The following KANK1 variants were observed in gnomAD, a reference collection of about 807,000 sequenced individuals.
KANK1 encodes KN motif and ankyrin repeat domains 1, also known as KN motif and ankyrin repeat domain-containing protein 1.
A neutral mutation model predicts 106.2 loss-of-function variants in KANK1; 109 were observed. That is an observed-to-expected ratio of 1.03 (90% CI 0.88 to 1.20). The LOEUF (loss-of-function observed/expected upper bound fraction) is 1.20, where lower values mean the gene tolerates loss of function less well. Ranked by LOEUF, KANK1 falls within the 50% of genes most tolerant of loss-of-function variation. The probability of loss-of-function intolerance (pLI) is 0.00; values close to 1 mark genes in which losing one functional copy is unlikely to be tolerated. For synonymous variants in KANK1, 873 were observed against 652.2 expected (o/e 1.34, Z -5.16); for missense variants, 2,399 against 1,710.7 (o/e 1.40, Z -7.10).
chr9:550,074 C>T (rs2061181417), intron 1 of KANK1, among the ~76,000 whole-genome samples: 1 of 152,248 alleles, frequency 6.6e-6, no homozygotes, highest in South Asian at 2.1e-4. Flanking sequence ...GGAATGTCAG[C>T]AGTCGCAACA....
chr9:527,898 C>T (rs529883824), intron 1 of KANK1, among the ~76,000 whole-genome samples: 6 of 151,316 alleles, frequency 4.0e-5, no homozygotes, highest in Admixed American at 3.9e-4. Context: ...CCTGTAATCA[C>T]AGCACTCCTG....
chr9:646,664 T>C (rs918308974), intron 1 of KANK1, among the ~76,000 whole-genome samples: 2 of 150,490 alleles, frequency 1.3e-5, no homozygotes, highest in Non-Finnish European at 2.9e-5. Flanking sequence ...ATAGAGCAGT[T>C]CGCCTGATCA....
At chr9:635,799 G>C (rs1035977063) in intron 1 of KANK1, among the ~76,000 whole-genome samples, 1 of 140,520 alleles carries the variant, frequency 7.1e-6, no homozygotes, top group African/African-American at 2.8e-5. Context: ...CCCGGGTTCA[G>C]GTGATTCTCC....
intron 1 of KANK1, among the ~76,000 whole-genome samples, chr9:657,440 G>A (rs1165582533): frequency 2.6e-5 from 4 of 152,046 alleles, no homozygotes; most frequent in Admixed American, 6.6e-5. Context: ...TTTTTTTGAG[G>A]AACCTCTATA....
intron 1 of KANK1, among the ~76,000 whole-genome samples, chr9:675,598 T>C (rs1816253698): frequency 6.6e-6 from 1 of 152,134 alleles, no homozygotes; most frequent in Admixed American, 6.5e-5. Context: ...GAAATATCAA[T>C]GCAAAATGAA....
At chr9:617,753 T>A (rs1832187431) in intron 1 of KANK1, among the ~76,000 whole-genome samples, 1 of 152,256 alleles carries the variant, frequency 6.6e-6, no homozygotes, top group African/African-American at 2.4e-5. Flanking sequence ...CAGGCCAGTT[T>A]GTGACGCGTG....
chr9:706,744 G>GC, intron 2 of KANK1: 1 of 981,410 alleles, frequency 1.0e-6, no homozygotes, highest in Non-Finnish European at 1.2e-6. Context: ...GAAGAGTCAG[G>GC]CAGTGCTCTG....
At chr9:486,740 A>C (rs1208366259) in intron 3 of KANK1, among the ~76,000 whole-genome samples, 1 of 152,198 alleles carries the variant, frequency 6.6e-6, no homozygotes, top group African/African-American at 2.4e-5. Flanking sequence ...ATTATAAAAA[A>C]ATAAAAAGCA....
At chr9:627,176 C>T (rs1044824103) in intron 1 of KANK1, among the ~76,000 whole-genome samples, 1 of 152,168 alleles carries the variant, frequency 6.6e-6, no homozygotes, top group African/African-American at 2.4e-5. Context: ...CCTAGATCCT[C>T]CTGTCCTACT....
chr9:670,964 T>TC (rs1845758757), intron 1 of KANK1, among the ~76,000 whole-genome samples: 1 of 146,374 alleles, frequency 6.8e-6, no homozygotes, highest in Admixed American at 7.1e-5. Flanking sequence ...TTTTTTTTTT[T>TC]TTTTTTTTTT....
chr9:529,759 C>T (rs138404121), intron 1 of KANK1, among the ~76,000 whole-genome samples: 8 of 152,180 alleles, frequency 5.3e-5, no homozygotes, highest in African/African-American at 1.7e-4. Flanking sequence ...TAACTTTGTA[C>T]GTGTATTATG....
At chr9:606,750 C>G in intron 1 of KANK1, among the ~76,000 whole-genome samples, 1 of 151,404 alleles carries the variant, frequency 6.6e-6, no homozygotes. Flanking sequence ...GAATTTTTAT[C>G]TGTTTGTGGA....
intron 1 of KANK1, among the ~76,000 whole-genome samples, chr9:676,443 A>G (rs1406006657): frequency 2.6e-5 from 4 of 152,236 alleles, no homozygotes; most frequent in African/African-American, 9.6e-5. Flanking sequence ...AAGAATTTCC[A>G]TGAAGTTAAT....
At chr9:541,738 T>C (rs1421338829) in intron 1 of KANK1, among the ~76,000 whole-genome samples, 3 of 152,074 alleles carry the variant, frequency 2.0e-5, no homozygotes, top group Non-Finnish European at 2.9e-5. Flanking sequence ...GGGGTTAATA[T>C]ATAAAATATA....
rs1207891316 is a variant in KANK1 at position 517,825 on chromosome 9, G to A, written c.-84+13071G>A. ...GTGATCTCGGCTCACTGGACCCTCC[G>A]CCTCCCAGGTTCAAGTAGTTCTCCC... On this transcript the variant is annotated intron_variant, in intron 1 of 11. Coordinates refer to ENST00000382297, the MANE Select transcript of KANK1 (RefSeq NM_015158.5). Among the ~76,000 whole-genome samples the A allele has an allele frequency of 3.4e-5, 5 of 146,664 alleles. No homozygotes were observed. In the Admixed American group the frequency reaches 3.5e-4, roughly 10 times the overall value.
At chr9:741,528 C>A (rs376251419) in intron 9 of KANK1, among the ~76,000 whole-genome samples, 3 of 149,468 alleles carry the variant, frequency 2.0e-5, no homozygotes, top group African/African-American at 7.4e-5. Flanking sequence ...CATTCTGTCA[C>A]CCAGGCTGGA....
At position 504,772 on chromosome 9, in the gene KANK1, G is replaced by GCC. The variant is rs1554723180; in HGVS notation, c.-84+19_-84+20dup. The stretch of plus-strand genomic sequence containing the variant: ...GGCCGAAGGTGAGTGACGCGGCGGG[G>GCC]CCGTGCCGCGCCCCGTGCCGCGGCG... On this transcript the variant is annotated intron_variant, in intron 1 of 11. Transcript: ENST00000382297. The GCC allele has an allele frequency of 1.3e-5, 2 of 148,290 alleles. No homozygotes were observed. The highest frequency in any genetic ancestry group is 2.0e-4 in the East Asian group (1 of 5,088). 9.2% of individuals were successfully genotyped at this position (148,290 alleles called of 1,614,324 possible).
At chr9:697,404 A>G (rs1369865672) in intron 2 of KANK1, among the ~76,000 whole-genome samples, 1 of 152,142 alleles carries the variant, frequency 6.6e-6, no homozygotes, top group African/African-American at 2.4e-5. Context: ...TTCATGCCAC[A>G]GAAAAGAGCT....
At chr9:679,878 C>T (rs1285170474) in intron 2 of KANK1, among the ~76,000 whole-genome samples, 2 of 151,918 alleles carry the variant, frequency 1.3e-5, no homozygotes, top group Admixed American at 6.6e-5. Context: ...ATTCCTTTAC[C>T]TTTTCCCACT....
Sources: allele counts gnomAD v4.1 joint callset (sites outside exome capture counted in the v4.1 genomes callset), GRCh38; gene constraint gnomAD v4.1.1; transcripts MANE v1.5; gene names NCBI Gene and HGNC (gene_info 2026-07-23, HGNC 2026-07-21).